MTM1: variants seen among roughly 807,000 people sequenced by gnomAD.
The protein encoded by MTM1 is myotubularin.
Under a neutral mutation model 52.1 loss-of-function variants are expected in MTM1, and 9 were observed. The observed-to-expected ratio is 0.17, with a 90% CI of 0.10 to 0.30. The LOEUF is 0.30. Among genes scored for constraint, MTM1 ranks in the 10% least tolerant of loss-of-function variants. The pLI, the probability that MTM1 is intolerant of heterozygous loss-of-function variation, is 1.00. For missense variants in MTM1, 277 were observed against 470.7 expected (o/e 0.59, Z 3.81); for synonymous variants, 136 against 163.8 (o/e 0.83, Z 1.29).
chrX:150,652,698 C>T (rs1156454007), intron 10 of MTM1, among the ~76,000 whole-genome samples: 1 of 95,275 alleles, frequency 1.0e-5, no homozygotes, highest in Non-Finnish European at 2.1e-5. Context: ...CACACACATA[C>T]ATACAGAATT....
intron 5 of MTM1, among the ~76,000 whole-genome samples, chrX:150,618,644 A>C (rs2039426285): frequency 8.9e-6 from 1 of 111,990 alleles, no homozygotes; most frequent in South Asian, 3.8e-4. Context: ...ACAGAGTGAG[A>C]CTATGTCTCA....
At chrX:150,605,512 T>G (rs782323946) in intron 4 of MTM1, among the ~76,000 whole-genome samples, 1 of 112,878 alleles carries the variant, frequency 8.9e-6, no homozygotes, top group South Asian at 3.6e-4. Context: ...AGGCAGTGTA[T>G]TACCCAAAGA....
At chrX:150,650,858 C>A (rs150940483) in intron 10 of MTM1, among the ~76,000 whole-genome samples, 418 of 112,077 alleles carry the variant, frequency 3.7e-3, no homozygotes, top group Non-Finnish European at 5.9e-3. Context: ...GACAGCCACA[C>A]CCCTGTTCAT....
chrX:150,661,454 A>G (rs1270822400), intron 13 of MTM1, among the ~76,000 whole-genome samples: 1 of 112,144 alleles, frequency 8.9e-6, no homozygotes, highest in Non-Finnish European at 1.9e-5. Flanking sequence ...TCTAAAGGAA[A>G]TGAAATCATC....
chrX:150,581,035 T>G (rs1415780302), intron 1 of MTM1, among the ~76,000 whole-genome samples: 1 of 111,880 alleles, frequency 8.9e-6, no homozygotes, highest in Non-Finnish European at 1.9e-5. Context: ...TTGGATTGAC[T>G]TCAGAGACCA....
intron 1 of MTM1, among the ~76,000 whole-genome samples, chrX:150,592,244 A>C (rs950350288): frequency 8.9e-6 from 1 of 111,910 alleles, no homozygotes; most frequent in African/African-American, 3.3e-5. Flanking sequence ...AATAAGGAGT[A>C]TGGAAATTTG....
chrX:150,648,519 TCTGG>T (rs2039970570), intron 9 of MTM1, among the ~76,000 whole-genome samples: 1 of 112,668 alleles, frequency 8.9e-6, no homozygotes, highest in South Asian at 3.6e-4. Flanking sequence ...CTACAGGCAC[TCTGG>T]AGTTAGTATA....
chrX:150,575,958 G>T (rs1189799936), intron 1 of MTM1, among the ~76,000 whole-genome samples: 1 of 111,140 alleles, frequency 9.0e-6, no homozygotes, highest in African/African-American at 3.3e-5. Context: ...GATTACAGGC[G>T]TGAGGGAGAA....
chrX:150,611,884 T>TA (rs781814448), intron 4 of MTM1, among the ~76,000 whole-genome samples: 12 of 112,268 alleles, frequency 1.1e-4, no homozygotes, highest in African/African-American at 3.9e-4. Flanking sequence ...AATCATATAA[T>TA]ACCTTACCTT....
At chrX:150,618,783 T>G (rs2039429277) in intron 5 of MTM1, among the ~76,000 whole-genome samples, 1 of 112,115 alleles carries the variant, frequency 8.9e-6, no homozygotes. Flanking sequence ...ATAAAATGAA[T>G]TTTAGCTCTG....
intron 1 of MTM1, among the ~76,000 whole-genome samples, chrX:150,585,353 C>T (rs2038767515): frequency 9.0e-6 from 1 of 111,674 alleles, no homozygotes; most frequent in African/African-American, 3.3e-5. Context: ...GAATCTTCAT[C>T]AGTAATGCCC....
rs190973596 is a variant in MTM1, at chrX:150,595,447, G to A, written c.64-1051G>A. ...TGCACCACTGTTGCCTGGCAACAGA[G>A]CAAGACTGTCTCAAAAAATAAAAGT... On this transcript the variant is annotated intron_variant, in intron 2 of 14. Transcript: ENST00000370396. 6.1e-3 allele frequency among the ~76,000 whole-genome samples: 687 copies of A among 111,987 alleles called. 5 individuals are homozygous for A. The highest frequency in any genetic ancestry group is 0.021 in the African/African-American group (659 of 30,822).
At position 150,643,671 on chromosome X, in the gene MTM1, G is replaced by A. The variant is rs781884245; in HGVS notation, c.679-2012G>A. Reference sequence around the variant, plus strand: ...CTTCCCATGTTGCTAAATATGATCCGCTCATATGCCAGTGTGTAGATGTAC... The same window carrying A: ...CTTCCCATGTTGCTAAATATGATCCACTCATATGCCAGTGTGTAGATGTAC... On this transcript the variant is annotated intron_variant, in intron 8 of 14. Transcript: ENST00000370396. Among the ~76,000 whole-genome samples the A allele has an allele frequency of 5.4e-5, 6 of 111,671 alleles. No homozygotes were observed. In the South Asian group the frequency reaches 1.1e-3, roughly 21 times the overall value.
chrX:150,567,169 A>C (rs1304250954), upstream of MTM1, among the ~76,000 whole-genome samples: 1 of 111,310 alleles, frequency 9.0e-6, no homozygotes, highest in Non-Finnish European at 1.9e-5. Context: ...CAGTGCATCA[A>C]GTTCCCTGGA....
chrX:150,669,524 G>A (rs2040361740), intron 14 of MTM1, among the ~76,000 whole-genome samples: 1 of 111,890 alleles, frequency 8.9e-6, no homozygotes, highest in Admixed American at 9.5e-5. Flanking sequence ...AGCCTCGCCA[G>A]CATCTATCAT....
At chrX:150,645,598 G>T (rs1277314070) in intron 8 of MTM1, 85 bp from the exon 9 acceptor site, 40 of 883,974 alleles carry the variant, frequency 4.5e-5, no homozygotes, top group Non-Finnish European at 5.3e-5. Flanking sequence ...CTTGATAACC[G>T]TCAGTGCTTT....
intron 7 of MTM1, 65 bp downstream of exon 7, chrX:150,639,091 C>T: frequency 1.1e-6 from 1 of 879,311 alleles, no homozygotes; most frequent in South Asian, 2.0e-5. Context: ...GACAGTATGT[C>T]ATCAGCCATG....
intron 10 of MTM1, among the ~76,000 whole-genome samples, chrX:150,652,654 T>TACAC (rs1362808073): frequency 3.6e-4 from 16 of 44,678 alleles, no homozygotes; most frequent in East Asian, 1.9e-3. Context: ...TGTGTATATA[T>TACAC]ATATACACAC....
At chrX:150,586,555 G>A (rs185300527) in intron 1 of MTM1, among the ~76,000 whole-genome samples, 66 of 110,994 alleles carry the variant, frequency 5.9e-4, no homozygotes, top group African/African-American at 1.9e-3. Flanking sequence ...AGGCAATCAA[G>A]GATATGGTAT....
Sources: allele counts gnomAD v4.1 joint callset (sites outside exome capture counted in the v4.1 genomes callset), GRCh38; gene constraint gnomAD v4.1.1; transcripts MANE v1.5; gene names NCBI Gene and HGNC (gene_info 2026-07-23, HGNC 2026-07-21).